The following PABPC4 variants were observed in gnomAD, a reference collection of about 807,000 sequenced individuals.
PABPC4 encodes poly(A) binding protein cytoplasmic 4.
Under a neutral mutation model 74.5 loss-of-function variants are expected in PABPC4, and 15 were observed. That is an observed-to-expected ratio of 0.20 (90% confidence interval 0.13 to 0.31). PABPC4 has a LOEUF of 0.31. Among genes scored for constraint, PABPC4 ranks in the 10% least tolerant of loss-of-function variants. The pLI, the probability that PABPC4 is intolerant of heterozygous loss-of-function variation, is 1.00. For missense variants in PABPC4, 610 were observed against 853.5 expected, an observed-to-expected ratio of 0.71 and a Z score of 3.55; for synonymous variants, 345 against 303.0, an observed-to-expected ratio of 1.14 and a Z score of -1.44.
chr1:39,563,504 A>G (rs1645792664), intron 12 of PABPC4, 110 bp downstream of exon 12: 1 of 1,343,944 alleles, frequency 7.4e-7, no homozygotes. Context: ...ATAGCGTCAT[A>G]ACACAGAGCA....
chr1:39,567,337 C>T, intron 7 of PABPC4: 1 of 511,516 alleles, frequency 2.0e-6, no homozygotes, highest in Non-Finnish European at 3.9e-6. Flanking sequence ...CCAAGCCCAC[C>T]TCCAAAATCT....
At chr1:39,568,638 G>T in intron 6 of PABPC4, 164 bp downstream of exon 6, 2 of 623,678 alleles carry the variant, frequency 3.2e-6, no homozygotes, top group Non-Finnish European at 5.5e-6. Context: ...ATAATAATCA[G>T]TCATATGTAG....
In PABPC4 at chr1:39,560,849, G is replaced by A. The variant is rs949592212; in HGVS notation, c.*287C>T. ...AGATTTTTTTTCTTTATTGGGAAAC[G>A]TAAGACTTGGGTACATCAAATAAAA... On this transcript the variant is annotated 3_prime_UTR_variant, in exon 16 of 16. Transcript: ENST00000372858. 1.8e-5 allele frequency: 3 copies of A among 170,860 alleles called. No individual in the cohort carries two copies. The highest frequency in any genetic ancestry group is 1.5e-4 in the East Asian group (1 of 6,788). The allele number at this position is 170,860 out of a possible 1,614,324, so 10.6% of individuals were successfully genotyped here. A position where few individuals can be genotyped will look rare whatever the true frequency, so the allele number is the denominator to read the frequency against.
intron 1 of PABPC4, among the ~76,000 whole-genome samples, chr1:39,573,767 T>C (rs546071559): frequency 6.6e-6 from 1 of 152,252 alleles, no homozygotes; most frequent in Admixed American, 6.5e-5. Flanking sequence ...TGCAGTGAGC[T>C]GAGATCGCGC....
rs199790865 is a variant in PABPC4 at position 39,575,715 on chromosome 1, G to A, written c.193+44C>T. On this transcript the variant is annotated intron_variant, in intron 1 of 15. Transcript: ENST00000372858. ...GCCCTGCCAGAAGACGACTCCCGGGGTCCTCCGGGCTCCCACGCACGTGTG... is the reference window on the plus strand; with the variant it reads ...GCCCTGCCAGAAGACGACTCCCGGGATCCTCCGGGCTCCCACGCACGTGTG... 847 of 1,461,088 alleles carry A rather than the reference G, an allele frequency of 5.8e-4. 9 individuals are homozygous for A. The highest frequency in any genetic ancestry group is 1.2e-4 in the Non-Finnish European group (127 of 1,090,248). 90.5% of individuals were successfully genotyped at this position (1,461,088 alleles called of 1,614,324 possible). A position where few individuals can be genotyped will look rare whatever the true frequency, so the allele number is the denominator to read the frequency against.
intron 10 of PABPC4, 101 bp downstream of exon 10, chr1:39,564,322 T>C: frequency 7.3e-7 from 1 of 1,376,232 alleles, no homozygotes; most frequent in African/African-American, 1.4e-5. Flanking sequence ...GAACCAGGAC[T>C]CGATAAATTC....
At position 39,566,901 on chromosome 1, in the gene PABPC4, A is replaced by G. The variant is rs538409598; in HGVS notation, c.972+850T>C. Among the ~76,000 whole-genome samples, 176 of 152,300 alleles carry G rather than the reference A, an allele frequency of 1.2e-3. 2 individuals are homozygous for G. Among genetic ancestry groups the G allele is most frequent in the Non-Finnish European group, 1.4e-3 (98 of 68,028 alleles). Reference sequence around the variant, plus strand: ...GGCCTCTGGCCAACTCCCTACTACAACTGATAACATTGCTTTCCACATTCC... The same window carrying G: ...GGCCTCTGGCCAACTCCCTACTACAGCTGATAACATTGCTTTCCACATTCC... On this transcript the variant is annotated intron_variant, in intron 7 of 15. Transcript: ENST00000372858.
chr1:39,565,439 T>C, intron 7 of PABPC4, 61 bp from the exon 8 acceptor site: 1 of 1,532,346 alleles, frequency 6.5e-7, no homozygotes, highest in Non-Finnish European at 8.8e-7. Flanking sequence ...TGATGGCTTG[T>C]GCCTGTAATC....
At position 39,562,187 on chromosome 1, in the gene PABPC4, T is replaced by G. The variant is rs768922601; in HGVS notation, c.1779A>C (p.Pro593=). 3 of 1,614,198 alleles carry G rather than the reference T, an allele frequency of 1.9e-6. No individual in the cohort carries two copies. The South Asian group carries it at 3.3e-5, about 18-fold the overall frequency. The change falls in exon 14 of 16, where the codon CCA becomes CCC. Residue 593 remains proline (P), a synonymous_variant. Transcript: ENST00000372858. ...QKQMLGERLF[P]LIQTMHSNLA... The stretch of plus-strand genomic sequence containing the variant: ...GATTTGAATGCATTGTTTGGATGAG[T>G]GGGAACAAGCGTTCTCCTATGGGGA...
chr1:39,560,925 C>G lies in PABPC4; in HGVS notation c.*211G>C, dbSNP rs1345198387. 4.7e-6 allele frequency: 1 copy of G among 212,080 alleles called. No homozygotes were observed. Among genetic ancestry groups the G allele is most frequent in the South Asian group, 6.9e-5 (1 of 14,556 alleles). 13.1% of individuals were successfully genotyped at this position (212,080 alleles called of 1,614,324 possible). Reference sequence around the variant, plus strand: ...ACCCACAATAAAAAAAAAGTTAACACTGTCTGGGCCACAGCAGAACCCAAA... The same window carrying G: ...ACCCACAATAAAAAAAAAGTTAACAGTGTCTGGGCCACAGCAGAACCCAAA... On this transcript the variant is annotated 3_prime_UTR_variant, in exon 16 of 16. Coordinates refer to ENST00000372858, the MANE Select transcript of PABPC4 (RefSeq NM_001135653.2).
intron 10 of PABPC4, chr1:39,564,216 G>A (rs1236261961): frequency 1.5e-5 from 10 of 646,524 alleles, no homozygotes; most frequent in South Asian, 2.0e-5. Flanking sequence ...ATAGGTCACC[G>A]ATGAGCAAAG....
Position 39,570,419 on chromosome 1 carries a change from T to G in PABPC4, c.504-417A>C, listed in dbSNP as rs72932164. 1,067 of 165,916 alleles carry G rather than the reference T, an allele frequency of 6.4e-3. 13 individuals are homozygous for G. The highest frequency in any genetic ancestry group is 0.024 in the African/African-American group (1,015 of 42,032). 10.3% of individuals were successfully genotyped at this position (165,916 alleles called of 1,614,324 possible). A position where few individuals can be genotyped will look rare whatever the true frequency, so the allele number is the denominator to read the frequency against. ...CTTTGCTTTTTAAATTTATTTATTT[T>G]GGTCTGTTATACTTAAAAGAAAATT... On this transcript the variant is annotated intron_variant, in intron 3 of 15. Coordinates refer to ENST00000372858, the MANE Select transcript of PABPC4 (RefSeq NM_001135653.2).
intron 8 of PABPC4, 106 bp from the exon 9 acceptor site, chr1:39,564,879 G>A: frequency 1.0e-6 from 1 of 985,822 alleles, no homozygotes; most frequent in Non-Finnish European, 1.5e-6. Flanking sequence ...TTATTTAAAT[G>A]TTCTTTCTAT....
chr1:39,564,654 T>C, intron 9 of PABPC4, 32 bp downstream of exon 9: 1 of 1,611,854 alleles, frequency 6.2e-7, no homozygotes, highest in Non-Finnish European at 8.5e-7. Context: ...AGGTATATCC[T>C]GGGCTGTCAA....
chr1:39,571,012 G>A (rs1570393856), intron 3 of PABPC4: 9 of 1,390,376 alleles, frequency 6.5e-6, no homozygotes, highest in East Asian at 2.6e-5. Flanking sequence ...CTTTAAGGGA[G>A]AGGCGGCAGG....
chr1:39,565,248 G>A lies in PABPC4; in HGVS notation c.1103C>T (p.Ala368Val). The A allele has an allele frequency of 6.2e-7, 1 of 1,614,174 alleles. No homozygotes were observed. The highest frequency in any genetic ancestry group is 2.2e-5 in the East Asian group (1 of 44,884). ...VGSKPLYVALAQRKEERKAHL... is the reference protein window; with the variant it reads ...VGSKPLYVALVQRKEERKAHL... ...AGCCTTTCTCTCTTCCTTCCTCTGG[G>A]CCAGGGCAACATATAGTGGCTTGGA... is the stretch of plus-strand genomic sequence containing the variant. The change falls in exon 8 of 16, where the codon GCC becomes GTC. Residue 368 changes from alanine (A) to valine (V), a missense_variant. Ala to Val is a moderately conservative substitution (Grantham distance 64). Around this residue, in one of 4 missense-constraint regions of PABPC4, gnomAD observed 304 missense variants for 478.9 expected, o/e 0.63. Transcript: ENST00000372858.
intron 2 of PABPC4, chr1:39,571,720 A>T (rs1466218228): frequency 7.1e-6 from 3 of 424,538 alleles, no homozygotes; most frequent in South Asian, 5.1e-5. Context: ...AAAAAAGAAA[A>T]AAATTAAATG....
chr1:39,564,858 A>C, intron 8 of PABPC4, 85 bp from the exon 9 acceptor site: 1 of 1,092,144 alleles, frequency 9.2e-7, no homozygotes, highest in Non-Finnish European at 1.4e-6. Context: ...ACTAACCAGG[A>C]CCTAAGCTAA....
intron 1 of PABPC4, among the ~76,000 whole-genome samples, chr1:39,573,978 C>T (rs1645978859): frequency 6.6e-6 from 1 of 152,202 alleles, no homozygotes; most frequent in Non-Finnish European, 1.5e-5. Flanking sequence ...CACCCAGAAC[C>T]TCCTCCATGA....
Sources: gnomAD v4.1 joint callset for allele counts (sites outside exome capture counted in the v4.1 genomes callset) on GRCh38, gnomAD v4.1.1 for gene constraint, gnomAD v4.1.1 regional missense constraint, MANE v1.5 for transcripts, NCBI Gene and HGNC (gene_info 2026-07-23, HGNC 2026-07-21) for gene names.